The following OSBPL1A variants were observed in gnomAD, a reference collection of about 807,000 sequenced individuals.
The protein encoded by OSBPL1A is oxysterol binding protein like 1A, also known as oxysterol-binding protein-related protein 1.
Under a neutral mutation model 137.1 loss-of-function variants are expected in OSBPL1A, and 80 were observed. The ratio of observed to expected loss-of-function variants is 0.58; its 90% CI spans 0.49 to 0.70. The LOEUF is 0.70. Among genes scored for constraint, OSBPL1A ranks in the 30% least tolerant of loss-of-function variants. OSBPL1A has a pLI of 0.00. For missense variants in OSBPL1A, 970 were observed against 1,129.4 expected, an observed-to-expected ratio of 0.86 and a Z score of 2.02; for synonymous variants, 365 against 389.7, an observed-to-expected ratio of 0.94 and a Z score of 0.75.
intron 2 of OSBPL1A, among the ~76,000 whole-genome samples, chr18:24,371,486 C>T (rs1186035886): frequency 6.6e-6 from 1 of 152,188 alleles, no homozygotes; most frequent in Non-Finnish European, 1.5e-5. Flanking sequence ...CTAAGACTAA[C>T]CGTTCTCTCT....
At chr18:24,304,238 T>C (rs1388514706) in intron 13 of OSBPL1A, among the ~76,000 whole-genome samples, 3 of 152,194 alleles carry the variant, frequency 2.0e-5, no homozygotes, top group African/African-American at 7.2e-5. Context: ...ATTTTCTTAG[T>C]GTGTCAAAGC....
chr18:24,186,979 C>T (rs923372496), intron 18 of OSBPL1A, among the ~76,000 whole-genome samples: 26 of 151,318 alleles, frequency 1.7e-4, no homozygotes, highest in African/African-American at 6.1e-4. Context: ...CAGCCTCATA[C>T]CGCAGCAGCT....
intron 21 of OSBPL1A, among the ~76,000 whole-genome samples, chr18:24,176,927 C>T (rs2086464100): frequency 6.6e-6 from 1 of 152,226 alleles, no homozygotes; most frequent in Non-Finnish European, 1.5e-5. Context: ...CCCCAACACT[C>T]TTAGACACCA....
intron 4 of OSBPL1A, among the ~76,000 whole-genome samples, chr18:24,349,707 T>C (rs1329295625): frequency 1.4e-5 from 2 of 142,184 alleles, no homozygotes; most frequent in African/African-American, 5.3e-5. Flanking sequence ...GAGCTGAGAG[T>C]GATCCCTTGC....
chr18:24,309,713 C>T (rs1158597678), intron 13 of OSBPL1A, among the ~76,000 whole-genome samples: 1 of 152,112 alleles, frequency 6.6e-6, no homozygotes, highest in Non-Finnish European at 1.5e-5. Context: ...TGGATTTTAC[C>T]TATTTTGAAC....
At chr18:24,361,420 T>C (rs989328167) in intron 4 of OSBPL1A, among the ~76,000 whole-genome samples, 2 of 152,188 alleles carry the variant, frequency 1.3e-5, no homozygotes, top group Non-Finnish European at 2.9e-5. Flanking sequence ...TTATACATCG[T>C]TTATCCAAAA....
intron 24 of OSBPL1A, among the ~76,000 whole-genome samples, chr18:24,169,272 C>T (rs2086214967): frequency 6.6e-6 from 1 of 152,220 alleles, no homozygotes; most frequent in South Asian, 2.1e-4. Flanking sequence ...CAAAGAAAGT[C>T]ACTCATAAAT....
rs111995094 is a variant in OSBPL1A at position 24,325,095 on chromosome 18, A to AAAAGAAAG, written c.626-6294_626-6287dup. On this transcript the variant is annotated intron_variant, in intron 7 of 27. Coordinates refer to ENST00000319481, the MANE Select transcript of OSBPL1A (RefSeq NM_080597.4). ...AGCGAGACTCAGTATCGAAACAAAA[A>AAAAGAAAG]AAAGAAAGAAAGAAAGAAAAGGAAT... Among the ~76,000 whole-genome samples, 190 of 151,736 alleles carry AAAAGAAAG rather than the reference A, an allele frequency of 1.3e-3. 1 individual carries two copies. The highest frequency in any genetic ancestry group is 2.0e-3 in the Non-Finnish European group (138 of 67,956).
intron 25 of OSBPL1A, 92 bp from the exon 26 acceptor site, chr18:24,166,794 G>T: frequency 2.3e-6 from 3 of 1,277,980 alleles, no homozygotes; most frequent in Non-Finnish European, 3.2e-6. Context: ...ACTTGACAAT[G>T]ACCCCCTCCC....
At chr18:24,383,169 CA>C (rs1251559478) in intron 1 of OSBPL1A, among the ~76,000 whole-genome samples, 6 of 151,926 alleles carry the variant, frequency 3.9e-5, no homozygotes, top group Non-Finnish European at 8.8e-5. Context: ...AAGATAAAAA[CA>C]AAAAAGCTTC....
intron 15 of OSBPL1A, among the ~76,000 whole-genome samples, chr18:24,256,271 A>T (rs1599572105): frequency 6.6e-6 from 1 of 152,352 alleles, no homozygotes; most frequent in East Asian, 1.9e-4. Context: ...TGTTAAAAAG[A>T]TCATTCATCA....
At chr18:24,250,821 G>A (rs536217078) in intron 15 of OSBPL1A, among the ~76,000 whole-genome samples, 8 of 152,332 alleles carry the variant, frequency 5.3e-5, no homozygotes, top group African/African-American at 1.7e-4. Context: ...TGGAGTCCAG[G>A]CCTAGGCTCA....
chr18:24,274,233 C>CAAAAA (rs5823419), intron 15 of OSBPL1A, among the ~76,000 whole-genome samples: 3 of 110,384 alleles, frequency 2.7e-5, no homozygotes, highest in South Asian at 3.5e-4. Flanking sequence ...GACTCCTTCA[C>CAAAAA]AAAAAAAAAA....
chr18:24,279,333 G>C (rs990170182), intron 15 of OSBPL1A, among the ~76,000 whole-genome samples: 6 of 151,772 alleles, frequency 4.0e-5, no homozygotes, highest in African/African-American at 1.5e-4. Flanking sequence ...TGAGGCTGAG[G>C]TGGGAGGATC....
rs116710145 is a variant in OSBPL1A at position 24,322,561 on chromosome 18, T to G, written c.626-3752A>C. Among the ~76,000 whole-genome samples the G allele has an allele frequency of 7.4e-3, 1,124 of 152,238 alleles. 19 individuals carry two copies. The highest frequency in any genetic ancestry group is 0.025 in the African/African-American group (1,057 of 41,514). On this transcript the variant is annotated intron_variant, in intron 7 of 27. Coordinates refer to ENST00000319481, the MANE Select transcript of OSBPL1A (RefSeq NM_080597.4). ...CCAAAAAATTAATACTCAGTTTAGT[T>G]TTTCTGCCTAGCACATAGGAAAATG...
intron 18 of OSBPL1A, among the ~76,000 whole-genome samples, chr18:24,193,008 A>G (rs756955880): frequency 1.3e-5 from 2 of 152,224 alleles, no homozygotes; most frequent in East Asian, 1.9e-4. Flanking sequence ...GAGAGCAGGA[A>G]GAGCTAAGGC....
intron 7 of OSBPL1A, among the ~76,000 whole-genome samples, chr18:24,324,603 T>TAAAAAAAAAA (rs71163674): frequency 1.8e-4 from 1 of 5,654 alleles, no homozygotes; most frequent in Admixed American, 1.5e-3. Flanking sequence ...AATATGAATA[T>TAAAAAAAAAA]AAAAAAAAAA....
At chr18:24,172,675 A>G (rs1194606292) in intron 21 of OSBPL1A, among the ~76,000 whole-genome samples, 192 bp from the exon 22 acceptor site, 1 of 152,228 alleles carries the variant, frequency 6.6e-6, no homozygotes, top group Non-Finnish European at 1.5e-5. Context: ...CTTGTTTCTT[A>G]AAAGGGAGTA....
chr18:24,217,942 A>G lies in OSBPL1A; in HGVS notation c.1601+7100T>C, dbSNP rs187513444. On this transcript the variant is annotated intron_variant, in intron 17 of 27. Transcript: ENST00000319481. ...GAACATGTGGAATGATACCCCAGGA[A>G]TACAACCAGCAATATCCAGATGGTA... Among the ~76,000 whole-genome samples, 4 of 152,318 alleles carry G rather than the reference A, an allele frequency of 2.6e-5. No individual in the cohort carries two copies. In the East Asian group the frequency reaches 7.7e-4, roughly 29 times the overall value.
Sources: gnomAD v4.1 joint callset for allele counts (sites outside exome capture counted in the v4.1 genomes callset) on GRCh38, gnomAD v4.1.1 for gene constraint, MANE v1.5 for transcripts, NCBI Gene and HGNC (gene_info 2026-07-23, HGNC 2026-07-21) for gene names.